The following SCN8A variants were observed in gnomAD, a reference collection of about 807,000 sequenced individuals.
SCN8A encodes the protein sodium voltage-gated channel alpha subunit 8, also known as sodium channel protein type 8 subunit alpha.
In SCN8A, 30 loss-of-function variants were observed where a neutral mutation model predicts 184.1. That is an observed-to-expected ratio of 0.16 (90% CI 0.12 to 0.22). The LOEUF (loss-of-function observed/expected upper bound fraction) is 0.22. Ranked by LOEUF, SCN8A falls within the 10% of genes least tolerant of loss-of-function variation. SCN8A has a pLI of 1.00. For missense variants in SCN8A, 1,057 were observed against 2,498.9 expected (o/e 0.42, Z 12.30); for synonymous variants, 852 against 907.0 (o/e 0.94, Z 1.09).
chr12:51,767,874 T>C (rs1046133493), intron 16 of SCN8A, among the ~76,000 whole-genome samples: 5 of 152,236 alleles, frequency 3.3e-5, no homozygotes, highest in Non-Finnish European at 4.4e-5. Context: ...TCTGTCATCA[T>C]CTGTGACTCC....
chr12:51,690,433 G>T lies in SCN8A; in HGVS notation c.706+1337G>T, dbSNP rs1376010032. ...AGTGGTACGATGATGGCTCACTGCAGCCTTGACTTCCAGGGCCCAAGTGAT... is the reference window on the plus strand; with the variant it reads ...AGTGGTACGATGATGGCTCACTGCATCCTTGACTTCCAGGGCCCAAGTGAT... On this transcript the variant is annotated intron_variant, in intron 6 of 26. Transcript: ENST00000627620. 2.0e-5 allele frequency among the ~76,000 whole-genome samples: 3 copies of T among 152,136 alleles called. No homozygotes were observed. In the East Asian group the frequency reaches 5.8e-4, roughly 29 times the overall value.
chr12:51,599,150 A>G (rs573950543), intron 1 of SCN8A, among the ~76,000 whole-genome samples: 1 of 152,330 alleles, frequency 6.6e-6, no homozygotes, highest in East Asian at 1.9e-4. Context: ...TGACCACATC[A>G]GTCAACAAAT....
intron 6 of SCN8A, 98 bp from the exon 7 acceptor site, chr12:51,699,472 G>A: frequency 1.3e-6 from 1 of 758,816 alleles, no homozygotes; most frequent in Non-Finnish European, 2.2e-6. Flanking sequence ...CAAGAGTGGT[G>A]CTGTGGGGAG....
chr12:51,750,531 A>G (rs778139076), intron 13 of SCN8A, among the ~76,000 whole-genome samples: 5 of 152,304 alleles, frequency 3.3e-5, no homozygotes, highest in Non-Finnish European at 7.4e-5. Context: ...TAACTCAACC[A>G]TGAGCTGTAA....
intron 6 of SCN8A, among the ~76,000 whole-genome samples, chr12:51,696,783 C>T (rs1941599795): frequency 1.3e-5 from 2 of 152,030 alleles, no homozygotes; most frequent in Middle Eastern, 3.4e-3. Flanking sequence ...GTAATCCCAG[C>T]ACTTTGGGAG....
intron 5 of SCN8A, among the ~76,000 whole-genome samples, chr12:51,687,469 GGT>G (rs1430459876): frequency 1.3e-5 from 2 of 152,090 alleles, no homozygotes. Flanking sequence ...GAAAGGAGGA[GGT>G]GATTTCCCAT....
intron 14 of SCN8A, among the ~76,000 whole-genome samples, chr12:51,760,936 A>G (rs1017356989): frequency 6.6e-6 from 1 of 152,180 alleles, no homozygotes; most frequent in African/African-American, 2.4e-5. Context: ...TCCAAACAGC[A>G]TCTATAATCT....
rs539717371 is a variant in SCN8A, at chr12:51,779,658, G to A, written c.3820-991G>A. Among the ~76,000 whole-genome samples, 5 of 152,274 alleles carry A rather than the reference G, an allele frequency of 3.3e-5. No homozygotes were observed. In the East Asian group the frequency reaches 9.6e-4, roughly 29 times the overall value. On this transcript the variant is annotated intron_variant, in intron 20 of 26. Transcript: ENST00000627620. Reference sequence around the variant, plus strand: ...TGCAGAACTGCCAGTGTAACCCTGGGCAAATTCTTGTGTACGGGTCTCAAT... The same window carrying A: ...TGCAGAACTGCCAGTGTAACCCTGGACAAATTCTTGTGTACGGGTCTCAAT...
chr12:51,770,021 C>T, intron 18 of SCN8A, 36 bp downstream of exon 18: 1 of 1,370,924 alleles, frequency 7.3e-7, no homozygotes, highest in South Asian at 1.2e-5. Context: ...GCTGGGGACA[C>T]TCGTGTTGCT....
chr12:51,600,447 G>A (rs1257063526), intron 1 of SCN8A, among the ~76,000 whole-genome samples: 1 of 152,174 alleles, frequency 6.6e-6, no homozygotes, highest in South Asian at 2.1e-4. Flanking sequence ...TAACTGAAAG[G>A]ATTTTAGTAG....
Position 51,702,925 on chromosome 12 carries a change from C to T in SCN8A, c.1134+11C>T, listed in dbSNP as rs887702350. The T allele has an allele frequency of 5.0e-6, 8 of 1,585,682 alleles. No homozygotes were observed. In the African/African-American group the frequency reaches 8.0e-5, roughly 16 times the overall value. ...AACTTGTATCAATTGGTGAGTAATA[C>T]CTCTTTTCCTTTGGCCATAGAGTTT... On this transcript the variant is annotated intron_variant, in intron 9 of 26. Transcript: ENST00000627620.
intron 1 of SCN8A, among the ~76,000 whole-genome samples, chr12:51,607,403 T>G (rs1198155108): frequency 1.3e-5 from 2 of 152,336 alleles, no homozygotes; most frequent in Non-Finnish European, 2.9e-5. Flanking sequence ...CTTTACTGAT[T>G]TGGATGTCCT....
At chr12:51,661,534 T>C (rs952995721) in intron 1 of SCN8A, among the ~76,000 whole-genome samples, 3 of 152,194 alleles carry the variant, frequency 2.0e-5, no homozygotes, top group African/African-American at 2.4e-5. Context: ...TTAACTCTAC[T>C]ACTGTTCTCT....
intron 1 of SCN8A, among the ~76,000 whole-genome samples, chr12:51,601,862 T>G (rs1449438999): frequency 6.7e-6 from 1 of 149,768 alleles, no homozygotes; most frequent in Non-Finnish European, 1.5e-5. Context: ...AGGGTTTTTT[T>G]TTTTTTTTTT....
intron 1 of SCN8A, among the ~76,000 whole-genome samples, chr12:51,634,408 T>C (rs996561093): frequency 6.6e-6 from 1 of 152,118 alleles, no homozygotes; most frequent in Non-Finnish European, 1.5e-5. Context: ...CAAAGTTCCA[T>C]TGCTATCTGT....
rs141164261 is a variant in SCN8A, at chr12:51,736,660, C to T, written c.1999-9243C>T. ...AGGTCCTGGAAGAGGTGTATGAGCTCTAATGTCAGTGATGTAAAAAGGGTG... is the reference window on the plus strand; with the variant it reads ...AGGTCCTGGAAGAGGTGTATGAGCTTTAATGTCAGTGATGTAAAAAGGGTG... On this transcript the variant is annotated intron_variant, in intron 12 of 26. Transcript: ENST00000627620. 1.2e-3 allele frequency among the ~76,000 whole-genome samples: 184 copies of T among 152,304 alleles called. 1 individual carries two copies. The highest frequency in any genetic ancestry group is 4.2e-3 in the African/African-American group (173 of 41,574).
chr12:51,659,210 C>T (rs1271340304), intron 1 of SCN8A, among the ~76,000 whole-genome samples: 1 of 152,116 alleles, frequency 6.6e-6, no homozygotes, highest in Non-Finnish European at 1.5e-5. Flanking sequence ...GTGAAAGAAG[C>T]CAGAACCCAA....
At chr12:51,762,433 T>A in intron 14 of SCN8A, 70 bp from the exon 15 acceptor site, 1 of 1,428,528 alleles carries the variant, frequency 7.0e-7, no homozygotes, top group Non-Finnish European at 9.7e-7. Context: ...CATGTTGTTT[T>A]CAAAAATAAT....
chr12:51,605,059 CAG>C (rs1198659280), intron 1 of SCN8A, among the ~76,000 whole-genome samples: 1 of 151,954 alleles, frequency 6.6e-6, no homozygotes, highest in African/African-American at 2.4e-5. Context: ...CATATGTACT[CAG>C]AGTTTTAAAT....
Sources: allele counts gnomAD v4.1 joint callset (sites outside exome capture counted in the v4.1 genomes callset), GRCh38; gene constraint gnomAD v4.1.1; transcripts MANE v1.5; gene names NCBI Gene and HGNC (gene_info 2026-07-23, HGNC 2026-07-21).